ALOX15B: variants seen among roughly 807,000 people sequenced by gnomAD.
ALOX15B encodes the protein polyunsaturated fatty acid lipoxygenase ALOX15B.
A neutral mutation model predicts 73.8 loss-of-function variants in ALOX15B; 74 were observed. The ratio of observed to expected loss-of-function variants is 1.00; its 90% confidence interval spans 0.83 to 1.22. The LOEUF (loss-of-function observed/expected upper bound fraction) is 1.22. Among genes scored for constraint, ALOX15B ranks in the 50% most tolerant of loss-of-function variants. The pLI is 0.00. For missense variants in ALOX15B, 896 were observed against 859.9 expected (o/e 1.04, Z -0.52); for synonymous variants, 353 against 357.2 (o/e 0.99, Z 0.13).
intron 7 of ALOX15B, 30 bp from the exon 8 acceptor site, chr17:8,045,453 C>A (rs1976580482): frequency 6.2e-7 from 1 of 1,613,828 alleles, no homozygotes; most frequent in African/African-American, 1.3e-5. Context: ...ACACTCATGG[C>A]TGCCTCTCTC....
chr17:8,040,035 G>T, intron 3 of ALOX15B, 52 bp downstream of exon 3: 1 of 1,547,310 alleles, frequency 6.5e-7, no homozygotes, highest in Non-Finnish European at 8.9e-7. Flanking sequence ...ATGAGGGGCA[G>T]CTTGAGTGTC....
At position 8,045,632 on chromosome 17, in the gene ALOX15B, G is replaced by T. The variant is rs769849124; in HGVS notation, c.1146G>T (p.Glu382Asp). ...THLLHSHLLP[E>D]VFTLATLRQL... Reference sequence around the variant, plus strand: ...TGCTGCACTCACATCTGCTGCCTGAGGTCTTCACCCTGGCTACCCTGCGTC... The same window carrying T: ...TGCTGCACTCACATCTGCTGCCTGATGTCTTCACCCTGGCTACCCTGCGTC... The change falls in exon 8 of 14, where the codon GAG (glutamate) becomes GAT (aspartate). Residue 382 changes from glutamate (E) to aspartate (D), a missense_variant. Glu to Asp is a conservative substitution (Grantham distance 45). Transcript: ENST00000380183. 64 of 1,614,072 alleles carry T rather than the reference G, an allele frequency of 4.0e-5. No individual in the cohort carries two copies. The highest frequency in any genetic ancestry group is 5.1e-5 in the Non-Finnish European group (60 of 1,180,052).
In ALOX15B at chr17:8,039,177, G is replaced by A. The variant is rs773338352; in HGVS notation, c.22G>A (p.Val8Met). Residue 8 changes from valine to methionine, a missense_variant, in exon 1 of 14, where the codon GTG becomes ATG. Coordinates refer to ENST00000380183, the MANE Select transcript of ALOX15B (RefSeq NM_001141.3). ...CAGCATGGCCGAGTTCAGGGTCAGG[G>A]TGTCCACCGGAGAAGCCTTCGGGGC... MAEFRVR[V>M]STGEAFGAGT... 10 of 1,613,450 alleles carry A rather than the reference G, an allele frequency of 6.2e-6. No homozygotes were observed. The highest frequency in any genetic ancestry group is 8.5e-6 in the Non-Finnish European group (10 of 1,179,746).
chr17:8,048,412 G>C lies in ALOX15B; in HGVS notation c.1878G>C (p.Glu626Asp), dbSNP rs377008315. The change falls in exon 14 of 14, where the codon GAG (glutamate) becomes GAC (aspartate). Residue 626 changes from glutamate to aspartate, a missense_variant. Coordinates refer to ENST00000380183, the MANE Select transcript of ALOX15B (RefSeq NM_001141.3). The part of the protein sequence containing the change: ...DQRPLGTYPD[E>D]HFTEEAPRRS... Reference sequence around the variant, plus strand: ...GGCCCCTGGGCACCTATCCGGATGAGCACTTCACAGAGGAGGCCCCTCGGC... The same window carrying C: ...GGCCCCTGGGCACCTATCCGGATGACCACTTCACAGAGGAGGCCCCTCGGC... The C allele has an allele frequency of 6.2e-7, 1 of 1,613,650 alleles. No homozygotes were observed. Among genetic ancestry groups the C allele is most frequent in the African/African-American group, 1.3e-5 (1 of 74,924 alleles).
chr17:8,042,411 A>G lies in ALOX15B; in HGVS notation c.492A>G (p.Glu164=), dbSNP rs771194548. 1.2e-6 allele frequency: 2 copies of G among 1,613,982 alleles called. No individual in the cohort carries two copies. Among genetic ancestry groups the G allele is most frequent in the African/African-American group, 1.3e-5 (1 of 74,932 alleles). Residue 164 remains glutamate, a synonymous_variant, in exon 4 of 14, where the codon GAA becomes GAG. Transcript: ENST00000380183. ...CAGGTTGGCCTCACTGCCTGGATGAAAAGACAGTGGAAGACTTGGAGCTCA... is the reference window on the plus strand; with the variant it reads ...CAGGTTGGCCTCACTGCCTGGATGAGAAGACAGTGGAAGACTTGGAGCTCA... The part of the protein sequence containing the change: ...YNPGWPHCLD[E]KTVEDLELNI...
At position 8,042,418 on chromosome 17, in the gene ALOX15B, G is replaced by C; in HGVS notation, c.499G>C (p.Val167Leu). ...GWPHCLDEKTVEDLELNIKYS... is the reference protein window; with the variant it reads ...GWPHCLDEKTLEDLELNIKYS... The stretch of plus-strand genomic sequence containing the variant: ...GCCTCACTGCCTGGATGAAAAGACA[G>C]TGGAAGACTTGGAGCTCAATATCAA... Residue 167 changes from valine (V) to leucine (L), a missense_variant, in exon 4 of 14, where the codon GTG becomes CTG. Val to Leu is a conservative substitution (Grantham distance 32). Transcript: ENST00000380183. The C allele has an allele frequency of 6.2e-7, 1 of 1,614,136 alleles. No homozygotes were observed. Among genetic ancestry groups the C allele is most frequent in the Non-Finnish European group, 8.5e-7 (1 of 1,180,034 alleles).
Position 8,045,526 on chromosome 17 carries a change from C to CTGA in ALOX15B, c.1044_1046dup (p.Asp349dup), listed in dbSNP as rs1456825281. On this transcript the variant is annotated inframe_insertion, in exon 8 of 14. Coordinates refer to ENST00000380183, the MANE Select transcript of ALOX15B (RefSeq NM_001141.3). ...CCAAACAGCCCCATCTTCCTGCCCA[C>CTGA]TGATGACAAGTGGGACTGGTTGCTG... 2.5e-6 allele frequency: 4 copies of CTGA among 1,614,228 alleles called. No homozygotes were observed. The East Asian group carries it at 8.9e-5, about 36-fold the overall frequency.
Position 8,042,574 on chromosome 17 carries a change from C to A in ALOX15B, c.572+83C>A, listed in dbSNP as rs1001268361. On this transcript the variant is annotated intron_variant, in intron 4 of 13. Coordinates refer to ENST00000380183, the MANE Select transcript of ALOX15B (RefSeq NM_001141.3). ...TCTGCCCTCCCCTAGTCAGTTCCCC[C>A]ACCCTCAGTGATATGAGTCACATAG... is the stretch of plus-strand genomic sequence containing the variant. 12 of 1,551,482 alleles carry A rather than the reference C, an allele frequency of 7.7e-6. No homozygotes were observed. In the African/African-American group the frequency reaches 1.5e-4, roughly 19 times the overall value.
rs1204950530 is a variant in ALOX15B at position 8,039,303 on chromosome 17, G to A, written c.147+1G>A. 6.3e-7 allele frequency: 1 copy of A among 1,585,968 alleles called. No individual in the cohort carries two copies. The highest frequency in any genetic ancestry group is 8.6e-7 in the Non-Finnish European group (1 of 1,164,288). ...CGGCAAGGAGTTCACTGCGGGCGCT[G>A]TGAGTGCGTGGGAGTGGATGGGGTG... On this transcript the variant is annotated splice_donor_variant, in intron 1 of 13. Coordinates refer to ENST00000380183, the MANE Select transcript of ALOX15B (RefSeq NM_001141.3). LOFTEE classifies it high-confidence loss of function.
In ALOX15B at chr17:8,039,613, GCGGGC is replaced by G; in HGVS notation, c.367+14_367+18del. ...TGCTGCAGGAGGGTACAGGTGAGGG[GCGGGC>G]CGGGCTGGGGCTGCAGGGGGAGCAC... On this transcript the variant is annotated intron_variant, in intron 2 of 13. Coordinates refer to ENST00000380183, the MANE Select transcript of ALOX15B (RefSeq NM_001141.3). 7.7e-7 allele frequency: 1 copy of G among 1,307,182 alleles called. No individual in the cohort carries two copies. The allele number at this position is 1,307,182 out of a possible 1,614,324, so 81.0% of individuals were successfully genotyped here.
Position 8,039,243 on chromosome 17 carries a change from C to A in ALOX15B, c.88C>A (p.Arg30=). ...DKVSVSIVGT[R]GESPPLPLDN... ...AGTGTCTGTCAGCATCGTGGGGACC[C>A]GGGGAGAGAGCCCCCCACTGCCCCT... Residue 30 remains arginine, a synonymous_variant, in exon 1 of 14, where the codon CGG becomes AGG. Transcript: ENST00000380183. The A allele has an allele frequency of 6.2e-7, 1 of 1,604,918 alleles. No individual in the cohort carries two copies. Among genetic ancestry groups the A allele is most frequent in the South Asian group, 1.1e-5 (1 of 89,470 alleles).
At chr17:8,043,649 T>C (rs1227724009) in intron 5 of ALOX15B, among the ~76,000 whole-genome samples, 2 of 152,110 alleles carry the variant, frequency 1.3e-5, no homozygotes, top group Admixed American at 6.5e-5. Flanking sequence ...GCTCTGGCTG[T>C]GGTCACCAGA....
rs1214666291 is a variant in ALOX15B, at chr17:8,048,731, CAG to C, written c.*168_*169del. 3.1e-6 allele frequency: 2 copies of C among 655,456 alleles called. No homozygotes were observed. The highest frequency in any genetic ancestry group is 2.9e-5 in the East Asian group (1 of 34,884). The allele number at this position is 655,456 out of a possible 1,614,324, so 40.6% of individuals were successfully genotyped here. Reference sequence around the variant, plus strand: ...CCACCACCATACACACACACAAAAACAGAAACAAAATCAAAACAGAGAAAGCA... The same window carrying C: ...CCACCACCATACACACACACAAAAACAAACAAAATCAAAACAGAGAAAGCA... On this transcript the variant is annotated 3_prime_UTR_variant, in exon 14 of 14. Transcript: ENST00000380183.
At chr17:8,042,177 T>C (rs1402080341) in intron 3 of ALOX15B, among the ~76,000 whole-genome samples, 192 bp from the exon 4 acceptor site, 1 of 152,102 alleles carries the variant, frequency 6.6e-6, no homozygotes, top group African/African-American at 2.4e-5. Context: ...AGGGGAGCCA[T>C]CTCACTGTGG....
At position 8,044,911 on chromosome 17, in the gene ALOX15B, C is replaced by T. The variant is rs1382980926; in HGVS notation, c.759C>T (p.Arg253=). The change falls in exon 6 of 14, where the codon CGC becomes CGT. Residue 253 remains arginine, a synonymous_variant. Coordinates refer to ENST00000380183, the MANE Select transcript of ALOX15B (RefSeq NM_001141.3). ...GTCTCAACCCTGTCCTGATCCGCCG[C>T]TGTCACTACCTCCCAAAGAACTTCC... ...LNGLNPVLIR[R]CHYLPKNFPV... The T allele has an allele frequency of 6.2e-7, 1 of 1,614,146 alleles. No individual in the cohort carries two copies. Among genetic ancestry groups the T allele is most frequent in the Non-Finnish European group, 8.5e-7 (1 of 1,180,002 alleles).
chr17:8,039,445 G>A lies in ALOX15B; in HGVS notation c.207G>A (p.Val69=). The change falls in exon 2 of 14, where the codon GTG becomes GTA. Residue 69 remains valine (V), a synonymous_variant. Transcript: ENST00000380183. ...TAGGCCGAGTGCTGCTGCTGCGCGT[G>A]CACAAGGCGCCCCCAGTGCTGCCCC... is the stretch of plus-strand genomic sequence containing the variant. ...EDVGRVLLLR[V]HKAPPVLPLL... 1 of 1,609,928 alleles carries A rather than the reference G, an allele frequency of 6.2e-7. No individual in the cohort carries two copies.
At position 8,048,441 on chromosome 17, in the gene ALOX15B, G is replaced by A. The variant is rs117103775; in HGVS notation, c.1907G>A (p.Ser636Asn). 6.2e-7 allele frequency: 1 copy of A among 1,614,102 alleles called. No homozygotes were observed. Among genetic ancestry groups the A allele is most frequent in the Non-Finnish European group, 8.5e-7 (1 of 1,180,022 alleles). Residue 636 changes from serine to asparagine, a missense_variant, in exon 14 of 14, where the codon AGC (serine) becomes AAC (asparagine). Physicochemically the swap from Ser to Asn is conservative, Grantham distance 46 (BLOSUM62 1). Coordinates refer to ENST00000380183, the MANE Select transcript of ALOX15B (RefSeq NM_001141.3). ...TTCACAGAGGAGGCCCCTCGGCGGA[G>A]CATCGCCACCTTCCAGAGCCGCCTG... ...EHFTEEAPRRSIATFQSRLAQ... is the reference protein window; with the variant it reads ...EHFTEEAPRRNIATFQSRLAQ...
At position 8,045,557 on chromosome 17, in the gene ALOX15B, G is replaced by A; in HGVS notation, c.1071G>A (p.Lys357=). ...ACAAGTGGGACTGGTTGCTGGCCAA[G>A]ACCTGGGTGCGCAATGCCGAGTTCT... is the stretch of plus-strand genomic sequence containing the variant. ...TDDKWDWLLA[K]TWVRNAEFSF... is the part of the protein sequence containing the mutation. Residue 357 remains lysine, a synonymous_variant, in exon 8 of 14, where the codon AAG becomes AAA. Transcript: ENST00000380183. 6.2e-7 allele frequency: 1 copy of A among 1,614,190 alleles called. No individual in the cohort carries two copies. Among genetic ancestry groups the A allele is most frequent in the Non-Finnish European group, 8.5e-7 (1 of 1,180,024 alleles).
Position 8,045,638 on chromosome 17 carries a change from C to T in ALOX15B, c.1152C>T (p.Phe384=). 1 of 1,614,176 alleles carries T rather than the reference C, an allele frequency of 6.2e-7. No homozygotes were observed. Among genetic ancestry groups the T allele is most frequent in the South Asian group, 1.1e-5 (1 of 91,086 alleles). The change falls in exon 8 of 14, where the codon TTC becomes TTT. Residue 384 remains phenylalanine, a synonymous_variant. Transcript: ENST00000380183. ...ACTCACATCTGCTGCCTGAGGTCTT[C>T]ACCCTGGCTACCCTGCGTCAGCTGC... The part of the protein sequence containing the change: ...LLHSHLLPEV[F]TLATLRQLPH...
Sources: gnomAD v4.1 joint callset for allele counts (sites outside exome capture counted in the v4.1 genomes callset) on GRCh38, gnomAD v4.1.1 for gene constraint, MANE v1.5 for transcripts, NCBI Gene and HGNC (gene_info 2026-07-23, HGNC 2026-07-21) for gene names.